The following ETV5 variants were observed in gnomAD, a reference collection of about 807,000 sequenced individuals.
ETV5 encodes ETS variant transcription factor 5, also known as ETS translocation variant 5.
Under a neutral mutation model 70.0 loss-of-function variants are expected in ETV5, and 10 were observed. The ratio of observed to expected loss-of-function variants is 0.14; its 90% confidence interval spans 0.09 to 0.24. ETV5 has a LOEUF of 0.24. Ranked by LOEUF, ETV5 falls within the 10% of genes least tolerant of loss-of-function variation. The pLI is 1.00. For synonymous variants in ETV5, 216 were observed against 242.2 expected (o/e 0.89, Z 1.01); for missense variants, 453 against 651.2 (o/e 0.70, Z 3.31).
intron 5 of ETV5, among the ~76,000 whole-genome samples, chr3:186,089,205 A>G (rs1714125167): frequency 6.6e-6 from 1 of 152,228 alleles, no homozygotes; most frequent in Non-Finnish European, 1.5e-5. Context: ...ACCAAATAAG[A>G]GGCATGCTCA....
intron 5 of ETV5, among the ~76,000 whole-genome samples, chr3:186,101,696 A>C (rs1009749793): frequency 6.6e-6 from 1 of 151,912 alleles, no homozygotes; most frequent in South Asian, 2.1e-4. Context: ...GCTTTGTGAG[A>C]GCTTCTTTAA....
intron 5 of ETV5, among the ~76,000 whole-genome samples, chr3:186,084,573 C>T (rs961607238): frequency 5.3e-5 from 8 of 152,234 alleles, no homozygotes; most frequent in South Asian, 4.1e-4. Context: ...ATGGCTGGCC[C>T]GCATAACTTA....
chr3:186,066,424 T>C (rs1460358098), intron 7 of ETV5, among the ~76,000 whole-genome samples: 1 of 152,140 alleles, frequency 6.6e-6, no homozygotes, highest in East Asian at 1.9e-4. Context: ...TAAATGTTTG[T>C]TCACTAGTTC....
At chr3:186,108,446 G>A (rs1044934921) in intron 1 of ETV5, 11 of 1,166,588 alleles carry the variant, frequency 9.4e-6, no homozygotes, top group Middle Eastern at 2.2e-4. Context: ...GCCCCCGCAG[G>A]CTGCACTTGC....
At chr3:186,103,909 A>G (rs564275398) in intron 5 of ETV5, among the ~76,000 whole-genome samples, 22 of 152,314 alleles carry the variant, frequency 1.4e-4, no homozygotes, top group African/African-American at 3.9e-4. Flanking sequence ...CTCTGCTCTT[A>G]CATTTAAAAG....
chr3:186,069,873 C>G (rs1316694838), intron 7 of ETV5, among the ~76,000 whole-genome samples: 5 of 152,212 alleles, frequency 3.3e-5, no homozygotes, highest in Non-Finnish European at 5.9e-5. Context: ...GTGGCACAAT[C>G]TCGGCTCACT....
At chr3:186,091,671 C>T (rs896678711) in intron 5 of ETV5, among the ~76,000 whole-genome samples, 1 of 152,156 alleles carries the variant, frequency 6.6e-6, no homozygotes, top group African/African-American at 2.4e-5. Flanking sequence ...AAACAAAACA[C>T]TCAATTCTTG....
chr3:186,052,514 T>C lies in ETV5; in HGVS notation c.1210-383A>G, dbSNP rs1237780034. 6.6e-6 allele frequency among the ~76,000 whole-genome samples: 1 copy of C among 152,218 alleles called. No homozygotes were observed. The highest frequency in any genetic ancestry group is 1.5e-5 in the Non-Finnish European group (1 of 68,040). ...AGCAGTCAATAAGGAATAATTAGAA[T>C]GGTCATTCCTGAAACATTAGAAACA... On this transcript the variant is annotated intron_variant, in intron 11 of 12. Transcript: ENST00000306376. This position sits in a 1 kb window ranked among gnomAD's most constrained non-coding sequence, Gnocchi z 4.5.
In ETV5 at chr3:186,057,071, A is replaced by T; in HGVS notation, c.1209+4T>A. 6.2e-7 allele frequency: 1 copy of T among 1,614,016 alleles called. No homozygotes were observed. Among genetic ancestry groups the T allele is most frequent in the South Asian group, 1.1e-5 (1 of 91,082 alleles). Reference sequence around the variant, plus strand: ...CCCGTCTGAGTCCAGCATCCAGTGCATACCTCTTCCGGTTCTATCAGCTTG... The same window carrying T: ...CCCGTCTGAGTCCAGCATCCAGTGCTTACCTCTTCCGGTTCTATCAGCTTG... On this transcript the variant is annotated splice_donor_region_variant and intron_variant, in intron 11 of 12. Coordinates refer to ENST00000306376, the MANE Select transcript of ETV5 (RefSeq NM_004454.3). This position sits in a 1 kb window ranked among gnomAD's most constrained non-coding sequence, Gnocchi z 4.9.
In ETV5 at chr3:186,083,655, G is replaced by A. The variant is rs74609221; in HGVS notation, c.233-2480C>T. The stretch of plus-strand genomic sequence containing the variant: ...TATATAGTACCTTCTACCCCAAAAC[G>A]TCTTATATGTGGAATAGTATATTCT... On this transcript the variant is annotated intron_variant, in intron 5 of 12. Transcript: ENST00000306376. Among the ~76,000 whole-genome samples the A allele has an allele frequency of 3.8e-4, 58 of 152,254 alleles. No individual in the cohort carries two copies. In the East Asian group the frequency reaches 8.7e-3, roughly 23 times the overall value.
intron 5 of ETV5, among the ~76,000 whole-genome samples, chr3:186,102,178 A>T (rs1418002845): frequency 6.6e-6 from 1 of 152,200 alleles, no homozygotes; most frequent in Non-Finnish European, 1.5e-5. Context: ...AGAAAAAAAA[A>T]AGCCATAATC....
At position 186,047,514 on chromosome 3, in the gene ETV5, GC is replaced by G. The variant is rs1230322910; in HGVS notation, c.*1124del. 1 of 232,250 alleles carries G rather than the reference GC, an allele frequency of 4.3e-6. No homozygotes were observed. Among genetic ancestry groups the G allele is most frequent in the Non-Finnish European group, 8.5e-6 (1 of 117,448 alleles). The allele number at this position is 232,250 out of a possible 1,614,324, so 14.4% of individuals were successfully genotyped here. The stretch of plus-strand genomic sequence containing the variant: ...GACATGACACATGTTATATACATAT[GC>G]TTTCCAGAGAGGGCATGTTAGTGAA... On this transcript the variant is annotated 3_prime_UTR_variant, in exon 13 of 13. Transcript: ENST00000306376.
chr3:186,081,520 G>A (rs1713934596), intron 5 of ETV5, among the ~76,000 whole-genome samples: 1 of 152,086 alleles, frequency 6.6e-6, no homozygotes, highest in Non-Finnish European at 1.5e-5. Context: ...CAGACATGAA[G>A]AATTTTGTTT....
intron 5 of ETV5, chr3:186,084,347 T>G (rs1714004782): frequency 2.7e-6 from 1 of 373,756 alleles, no homozygotes; most frequent in Non-Finnish European, 5.2e-6. Context: ...AATTAGAAAC[T>G]TTGAGTTTAA....
chr3:186,058,053 CA>C (rs1233814781), intron 9 of ETV5, among the ~76,000 whole-genome samples: 1 of 152,140 alleles, frequency 6.6e-6, no homozygotes, highest in Non-Finnish European at 1.5e-5. Flanking sequence ...GTATTATTAC[CA>C]AACAGTGGAG....
At chr3:186,072,888 A>C (rs1330339153) in intron 7 of ETV5, among the ~76,000 whole-genome samples, 1 of 152,218 alleles carries the variant, frequency 6.6e-6, no homozygotes, top group African/African-American at 2.4e-5. Context: ...TAATCCCAGC[A>C]CTTTGGGAGG....
intron 1 of ETV5, chr3:186,108,705 C>A (rs1008377458): frequency 8.9e-7 from 1 of 1,118,980 alleles, no homozygotes; most frequent in Non-Finnish European, 1.1e-6. Flanking sequence ...GTGTGGAAAG[C>A]CGCTCTCCCC....
intron 5 of ETV5, among the ~76,000 whole-genome samples, chr3:186,098,938 T>C (rs768167078): frequency 3.9e-5 from 6 of 152,190 alleles, no homozygotes; most frequent in East Asian, 3.8e-4. Flanking sequence ...AGAATCCCCA[T>C]TCCATGCCTC....
intron 5 of ETV5, among the ~76,000 whole-genome samples, chr3:186,087,707 C>T (rs1014190374): frequency 1.3e-5 from 2 of 152,050 alleles, no homozygotes; most frequent in Admixed American, 1.3e-4. Context: ...AAGTACAGGC[C>T]TGTGGACTGT....
Sources: gnomAD v4.1 joint callset for allele counts (sites outside exome capture counted in the v4.1 genomes callset) on GRCh38, gnomAD v4.1.1 for gene constraint, Gnocchi (gnomAD v3.1) non-coding constraint, MANE v1.5 for transcripts, NCBI Gene and HGNC (gene_info 2026-07-23, HGNC 2026-07-21) for gene names.